The following MAOB variants were observed in gnomAD, a reference collection of about 807,000 sequenced individuals.
The protein encoded by MAOB is amine oxidase [flavin-containing] B.
MAOB carries 15 observed loss-of-function variants against 41.9 expected under a neutral mutation model. That is an observed-to-expected ratio of 0.36 (90% CI 0.24 to 0.55). The LOEUF (loss-of-function observed/expected upper bound fraction) is 0.55, where lower values mean the gene tolerates loss of function less well. Among genes scored for constraint, MAOB ranks in the 20% least tolerant of loss-of-function variants. The pLI is 0.86. For missense variants in MAOB, 345 were observed against 398.7 expected, an observed-to-expected ratio of 0.87 and a Z score of 1.15; for synonymous variants, 167 against 144.2, an observed-to-expected ratio of 1.16 and a Z score of -1.13.
At chrX:43,861,127 T>C (rs1385153163) in intron 1 of MAOB, among the ~76,000 whole-genome samples, 1 of 112,593 alleles carries the variant, frequency 8.9e-6, no homozygotes, top group Non-Finnish European at 1.9e-5. Context: ...CAATAAGCTC[T>C]GTGAAAGCAG....
chrX:43,854,197 A>G (rs1252359083), intron 1 of MAOB, among the ~76,000 whole-genome samples: 2 of 112,064 alleles, frequency 1.8e-5, no homozygotes, highest in African/African-American at 6.5e-5. Context: ...ATTAGCCCAA[A>G]CAGATGTTAA....
rs564108326 is a variant in MAOB, at chrX:43,864,326, A to T, written c.46+17928T>A. Among the ~76,000 whole-genome samples the T allele has an allele frequency of 1.9e-4, 21 of 111,792 alleles. No homozygotes were observed. In the South Asian group the frequency reaches 7.9e-3, roughly 42 times the overall value. On this transcript the variant is annotated intron_variant, in intron 1 of 14. Coordinates refer to ENST00000378069, the MANE Select transcript of MAOB (RefSeq NM_000898.5). Reference sequence around the variant, plus strand: ...ACATACATTATCTGTATACGTATATATGATATTACTTACCAAATGCTTACT... The same window carrying T: ...ACATACATTATCTGTATACGTATATTTGATATTACTTACCAAATGCTTACT...
chrX:43,805,823 T>C (rs2034656009), intron 3 of MAOB, among the ~76,000 whole-genome samples: 1 of 112,022 alleles, frequency 8.9e-6, no homozygotes, highest in South Asian at 3.7e-4. Flanking sequence ...AGTGGGTGTA[T>C]GTTTAACTTT....
rs948082199 is a variant in MAOB at position 43,846,120 on chromosome X, A to T, written c.47-2356T>A. ...ATTCAAAATTGCAAACAATTCAATG[A>T]CATTTTTCTTACCAAGCATCAATTC... is the stretch of plus-strand genomic sequence containing the variant. On this transcript the variant is annotated intron_variant, in intron 1 of 14. Transcript: ENST00000378069. Among the ~76,000 whole-genome samples, 3 of 112,630 alleles carry T rather than the reference A, an allele frequency of 2.7e-5. No individual in the cohort carries two copies. In the Admixed American group the frequency reaches 2.8e-4, roughly 11 times the overall value.
intron 1 of MAOB, among the ~76,000 whole-genome samples, chrX:43,877,932 G>T (rs1424280633): frequency 8.9e-6 from 1 of 112,611 alleles, no homozygotes; most frequent in Non-Finnish European, 1.9e-5. Flanking sequence ...TTGGTGAAAA[G>T]AAGTGATTAC....
intron 3 of MAOB, among the ~76,000 whole-genome samples, chrX:43,822,595 G>C (rs2034895565): frequency 8.9e-6 from 1 of 111,838 alleles, no homozygotes; most frequent in South Asian, 3.7e-4. Context: ...GATACTTAAA[G>C]GGCATTCAAA....
intron 3 of MAOB, among the ~76,000 whole-genome samples, chrX:43,834,200 A>G (rs765907705): frequency 1.1e-3 from 121 of 112,173 alleles, no homozygotes; most frequent in African/African-American, 3.7e-3. Context: ...AGTTCATGTA[A>G]AATGGGCAAC....
intron 11 of MAOB, among the ~76,000 whole-genome samples, chrX:43,777,300 C>T (rs1046308014): frequency 9.9e-5 from 11 of 111,041 alleles, no homozygotes; most frequent in Admixed American, 9.6e-4. Context: ...TGAGTATATA[C>T]TGTATTTTTT....
chrX:43,810,060 G>A (rs1022793018), intron 3 of MAOB, among the ~76,000 whole-genome samples: 3 of 102,776 alleles, frequency 2.9e-5, no homozygotes, highest in Non-Finnish European at 5.8e-5. Context: ...TGGCTAACAC[G>A]GTGAAACCCC....
chrX:43,797,866 T>C (rs1343469870), intron 5 of MAOB, among the ~76,000 whole-genome samples: 1 of 111,929 alleles, frequency 8.9e-6, no homozygotes, highest in Non-Finnish European at 1.9e-5. Flanking sequence ...AATCAAATCA[T>C]GTCATTTTCT....
At chrX:43,836,761 C>A (rs2035076593) in intron 3 of MAOB, among the ~76,000 whole-genome samples, 1 of 112,049 alleles carries the variant, frequency 8.9e-6, no homozygotes, top group Admixed American at 9.5e-5. Context: ...AATAAACATG[C>A]TTTACTTTTG....
intron 1 of MAOB, chrX:43,850,477 G>T: frequency 1.3e-6 from 1 of 753,348 alleles, no homozygotes; most frequent in Non-Finnish European, 1.6e-6. Flanking sequence ...TCCTCCTTAA[G>T]TTCAAACTGG....
At chrX:43,835,302 T>C (rs1399222632) in intron 3 of MAOB, among the ~76,000 whole-genome samples, 1 of 112,379 alleles carries the variant, frequency 8.9e-6, no homozygotes, top group Non-Finnish European at 1.9e-5. Context: ...AGCTGCCTTC[T>C]AAACTATACC....
At chrX:43,867,739 T>G (rs1289933002) in intron 1 of MAOB, among the ~76,000 whole-genome samples, 7 of 112,566 alleles carry the variant, frequency 6.2e-5, no homozygotes, top group African/African-American at 2.3e-4. Context: ...CAGATATTGC[T>G]GTTATTATAT....
chrX:43,863,779 T>C (rs1477512444), intron 1 of MAOB, among the ~76,000 whole-genome samples: 2 of 111,864 alleles, frequency 1.8e-5, no homozygotes, highest in Admixed American at 9.5e-5. Flanking sequence ...ATATTGCTAC[T>C]AACCTTCTCT....
At chrX:43,833,130 C>A (rs143823302) in intron 3 of MAOB, among the ~76,000 whole-genome samples, 2 of 111,815 alleles carry the variant, frequency 1.8e-5, no homozygotes, top group African/African-American at 6.5e-5. Context: ...GACCCCATTG[C>A]ATCTTGTCAT....
chrX:43,873,022 C>T (rs1256191168), intron 1 of MAOB, among the ~76,000 whole-genome samples: 1 of 112,404 alleles, frequency 8.9e-6, no homozygotes, highest in African/African-American at 3.2e-5. Context: ...TCTTTCATTT[C>T]TATCAGTGGC....
Position 43,787,171 on chromosome X carries a change from A to G in MAOB, c.929-5627T>C, listed in dbSNP as rs7061088. On this transcript the variant is annotated intron_variant, in intron 8 of 14. Coordinates refer to ENST00000378069, the MANE Select transcript of MAOB (RefSeq NM_000898.5). Reference sequence around the variant, plus strand: ...TAGAAGAAATTTCCCCCAAAGTGCTAACTTTCTCAGAGAGAAAAGAAGCCA... The same window carrying G: ...TAGAAGAAATTTCCCCCAAAGTGCTGACTTTCTCAGAGAGAAAAGAAGCCA... Among the ~76,000 whole-genome samples, 386 of 111,382 alleles carry G rather than the reference A, an allele frequency of 3.5e-3. 2 individuals are homozygous for G. The highest frequency in any genetic ancestry group is 0.012 in the African/African-American group (358 of 30,650).
At chrX:43,869,211 G>T (rs1356992475) in intron 1 of MAOB, among the ~76,000 whole-genome samples, 1 of 111,644 alleles carries the variant, frequency 9.0e-6, no homozygotes, top group East Asian at 2.8e-4. Context: ...GGAAGGACAA[G>T]ATCTCTCTCT....
Sources: allele counts gnomAD v4.1 joint callset (sites outside exome capture counted in the v4.1 genomes callset), GRCh38; gene constraint gnomAD v4.1.1; transcripts MANE v1.5; gene names NCBI Gene and HGNC (gene_info 2026-07-23, HGNC 2026-07-21).